BCAT2: variants seen among roughly 807,000 people sequenced by gnomAD.
BCAT2 encodes the protein branched-chain-amino-acid aminotransferase, mitochondrial.
BCAT2 carries 44 observed loss-of-function variants against 52.9 expected under a neutral mutation model. That is an observed-to-expected ratio of 0.83 (90% CI 0.65 to 1.07). The LOEUF is 1.07. BCAT2 is among the 50% of genes least tolerant of loss of function. BCAT2 has a pLI of 0.00. For missense variants in BCAT2, 478 were observed against 521.8 expected (o/e 0.92, Z 0.82); for synonymous variants, 215 against 217.1 (o/e 0.99, Z 0.08).
chr19:48,800,127 G>T (rs769780111), intron 4 of BCAT2, 27 bp from the exon 5 acceptor site: 7 of 1,613,376 alleles, frequency 4.3e-6, no homozygotes, highest in Non-Finnish European at 5.9e-6. Context: ...ATGAGTCAAG[G>T]GGCCCTTGCT....
chr19:48,802,239 A>C (rs981670780), intron 3 of BCAT2, among the ~76,000 whole-genome samples: 6 of 151,960 alleles, frequency 3.9e-5, no homozygotes, highest in African/African-American at 1.5e-4. Context: ...AAGATCTAAA[A>C]CTTGGACAAG....
chr19:48,800,150 G>T, intron 4 of BCAT2, 37 bp downstream of exon 4: 1 of 1,612,582 alleles, frequency 6.2e-7, no homozygotes, highest in Admixed American at 1.7e-5. Flanking sequence ...CCCGGCCCCA[G>T]CCCTCCTCCC....
At chr19:48,805,782 C>A (rs1433422819) in intron 3 of BCAT2, among the ~76,000 whole-genome samples, 1 of 91,464 alleles carries the variant, frequency 1.1e-5, no homozygotes, top group Non-Finnish European at 2.1e-5. Flanking sequence ...CCCCGGCTGT[C>A]CGTCTCCCGC....
Position 48,799,907 on chromosome 19 carries a change from C to A in BCAT2, c.532-69G>T. 6.3e-7 allele frequency: 1 copy of A among 1,599,472 alleles called. No homozygotes were observed. The highest frequency in any genetic ancestry group is 8.5e-7 in the Non-Finnish European group (1 of 1,173,362). ...TCCCTTCCCGTCCCCAGGCCCAGGC[C>A]TCCAGGACCCCACCCCTGCCCTGCA... On this transcript the variant is annotated intron_variant, in intron 5 of 10. Transcript: ENST00000316273. This position sits in a 1 kb window ranked among gnomAD's most constrained non-coding sequence, Gnocchi z 5.5.
At position 48,807,057 on chromosome 19, in the gene BCAT2, A is replaced by G. The variant is rs777081458; in HGVS notation, c.42T>C (p.Leu14=). ...AALGQIWARK[L]LSVPWLLCGP... ...CACACAGAAGCCAAGGGACAGAGAGAAGCTTTCGTGCCCAGATCTGGGTGG... is the reference window on the plus strand; with the variant it reads ...CACACAGAAGCCAAGGGACAGAGAGGAGCTTTCGTGCCCAGATCTGGGTGG... The change falls in exon 2 of 11, where the codon CTT becomes CTC. Residue 14 remains leucine (L), a synonymous_variant. Coordinates refer to ENST00000316273, the MANE Select transcript of BCAT2 (RefSeq NM_001190.4). This position sits in a 1 kb window ranked among gnomAD's most constrained non-coding sequence, Gnocchi z 4.6. The G allele has an allele frequency of 6.2e-7, 1 of 1,613,920 alleles. No individual in the cohort carries two copies. Among genetic ancestry groups the G allele is most frequent in the Middle Eastern group, 1.6e-4 (1 of 6,062 alleles).
chr19:48,809,768 A>C (rs566869), intron 1 of BCAT2, among the ~76,000 whole-genome samples: 1 of 141,968 alleles, frequency 7.0e-6, no homozygotes, highest in African/African-American at 2.6e-5. Context: ...GTCTGAAATT[A>C]AAAAAAAAAA....
chr19:48,807,317 C>G lies in BCAT2; in HGVS notation c.25-243G>C, dbSNP rs371268019. The G allele has an allele frequency of 2.3e-6, 1 of 437,844 alleles. No individual in the cohort carries two copies. The highest frequency in any genetic ancestry group is 2.1e-5 in the African/African-American group (1 of 48,756). The allele number at this position is 437,844 out of a possible 1,614,324, so 27.1% of individuals were successfully genotyped here. A position where few individuals can be genotyped will look rare whatever the true frequency, so the allele number is the denominator to read the frequency against. ...TCCTCCATGCTGCGGCAAAGTCAAA[C>G]GCAAGCGCCTCCCACCCCAGAGACC... is the stretch of plus-strand genomic sequence containing the variant. On this transcript the variant is annotated intron_variant, in intron 1 of 10. Coordinates refer to ENST00000316273, the MANE Select transcript of BCAT2 (RefSeq NM_001190.4). The surrounding 1 kb of genome is among the most constrained non-coding windows in gnomAD (Gnocchi z 4.6).
chr19:48,806,711 C>T lies in BCAT2; in HGVS notation c.106G>A (p.Asp36Asn). The T allele has an allele frequency of 6.2e-7, 1 of 1,613,076 alleles. No individual in the cohort carries two copies. The highest frequency in any genetic ancestry group is 8.5e-7 in the Non-Finnish European group (1 of 1,180,030). The change falls in exon 3 of 11, where the codon GAC (aspartate) becomes AAC (asparagine). Residue 36 changes from aspartate (D) to asparagine (N), a missense_variant. By Grantham distance (23) the Asp-to-Asn change is conservative. Transcript: ENST00000316273. ...RYASSSFKAA[D>N]LQLEMTQKPH... ...TTCTGTGTCATTTCCAGCTGCAGGTCTGCAGCCTGAGGAAAGACAGGGGTA... is the reference window on the plus strand; with the variant it reads ...TTCTGTGTCATTTCCAGCTGCAGGTTTGCAGCCTGAGGAAAGACAGGGGTA...
chr19:48,800,102 T>C lies in BCAT2; in HGVS notation c.412-2A>G. On this transcript the variant is annotated splice_acceptor_variant, in intron 4 of 10. Coordinates refer to ENST00000316273, the MANE Select transcript of BCAT2 (RefSeq NM_001190.4). LOFTEE classifies it high-confidence loss of function. ...CAGCAACTCCAGCTTGTCGAAACTC[T>C]GGGTGGGATTCTGAATGAGTCAAGG... 6.2e-7 allele frequency: 1 copy of C among 1,613,856 alleles called. No individual in the cohort carries two copies. The highest frequency in any genetic ancestry group is 8.5e-7 in the Non-Finnish European group (1 of 1,179,838).
chr19:48,809,405 C>T (rs528570699), intron 1 of BCAT2, among the ~76,000 whole-genome samples: 1 of 152,174 alleles, frequency 6.6e-6, no homozygotes, highest in Admixed American at 6.6e-5. Flanking sequence ...TGTCAAAGCC[C>T]AGCAGTGCCC....
At chr19:48,796,555 C>A (rs201393521) in intron 9 of BCAT2, 23 bp downstream of exon 9, 53 of 1,611,050 alleles carry the variant, frequency 3.3e-5, no homozygotes, top group Non-Finnish European at 4.3e-5. Flanking sequence ...TCCCTCCCAC[C>A]CACAATGGCA....
At chr19:48,797,453 C>T in intron 6 of BCAT2, 120 bp from the exon 7 acceptor site, 2 of 1,265,558 alleles carry the variant, frequency 1.6e-6, no homozygotes, top group East Asian at 5.0e-5. Context: ...ACAGGGCTCC[C>T]CAGTTCCCCT....
In BCAT2 at chr19:48,799,863, C is replaced by T; in HGVS notation, c.532-25G>A. On this transcript the variant is annotated intron_variant, in intron 5 of 10. Coordinates refer to ENST00000316273, the MANE Select transcript of BCAT2 (RefSeq NM_001190.4). This position sits in a 1 kb window ranked among gnomAD's most constrained non-coding sequence, Gnocchi z 5.5. ...GCTGCGACGGGCAAAGGGACAGCGT[C>T]AGGAGTCCAGGCCCCCAGTCCCTTC... 1 of 1,572,310 alleles carries T rather than the reference C, an allele frequency of 6.4e-7. No individual in the cohort carries two copies. Among genetic ancestry groups the T allele is most frequent in the Non-Finnish European group, 8.6e-7 (1 of 1,159,508 alleles).
chr19:48,796,995 T>A lies in BCAT2; in HGVS notation c.866A>T (p.Asn289Ile). The change falls in exon 8 of 11, where the codon AAT (asparagine) becomes ATT (isoleucine). Residue 289 changes from asparagine (N) to isoleucine (I), a missense_variant. By Grantham distance (149) the Asn-to-Ile change is moderately radical. Coordinates refer to ENST00000316273, the MANE Select transcript of BCAT2 (RefSeq NM_001190.4). ...GACCACTCCAGGCAGGATAACACCA[T>A]TCAGCGGGGGCGTCACCAGCTCCAG... is the stretch of plus-strand genomic sequence containing the variant. ...GVLELVTPPL[N>I]GVILPGVVRQ... The A allele has an allele frequency of 6.2e-7, 1 of 1,614,096 alleles. No homozygotes were observed. The highest frequency in any genetic ancestry group is 2.2e-5 in the East Asian group (1 of 44,870).
Position 48,795,264 on chromosome 19 carries a change from C to A in BCAT2, c.*162G>T. ...GCCAAGATGCCTGGGTCGGCCCTTA[C>A]GGCTTTGGGAGTGTCGCAACCACAT... On this transcript the variant is annotated 3_prime_UTR_variant, in exon 11 of 11. Coordinates refer to ENST00000316273, the MANE Select transcript of BCAT2 (RefSeq NM_001190.4). 4 of 899,102 alleles carry A rather than the reference C, an allele frequency of 4.4e-6. No individual in the cohort carries two copies. The highest frequency in any genetic ancestry group is 6.9e-6 in the Non-Finnish European group (4 of 581,656). The allele number at this position is 899,102 out of a possible 1,614,324, so 55.7% of individuals were successfully genotyped here. A position where few individuals can be genotyped will look rare whatever the true frequency, so the allele number is the denominator to read the frequency against.
chr19:48,797,663 G>A, intron 6 of BCAT2: 1 of 301,894 alleles, frequency 3.3e-6, no homozygotes, highest in Non-Finnish European at 6.3e-6. Flanking sequence ...AGATTCTCCT[G>A]CCTCAGCCTC....
At chr19:48,803,011 A>G (rs1298007295) in intron 3 of BCAT2, among the ~76,000 whole-genome samples, 1 of 152,144 alleles carries the variant, frequency 6.6e-6, no homozygotes, top group Admixed American at 6.5e-5. Context: ...CCTGGGCAAC[A>G]AAGTGAGATC....
intron 3 of BCAT2, among the ~76,000 whole-genome samples, chr19:48,802,788 G>C (rs567067573): frequency 6.6e-6 from 1 of 152,108 alleles, no homozygotes; most frequent in Non-Finnish European, 1.5e-5. Flanking sequence ...TAATAGACTG[G>C]AAACAACCTA....
chr19:48,795,623 G>A (rs1341987495), intron 10 of BCAT2, among the ~76,000 whole-genome samples, 159 bp from the exon 11 acceptor site: 1 of 152,148 alleles, frequency 6.6e-6, no homozygotes, highest in Non-Finnish European at 1.5e-5. Flanking sequence ...TGGGAACGGG[G>A]AATCAAGGCT....
Sources: gnomAD v4.1 joint callset for allele counts (sites outside exome capture counted in the v4.1 genomes callset) on GRCh38, gnomAD v4.1.1 for gene constraint, Gnocchi (gnomAD v3.1) non-coding constraint, MANE v1.5 for transcripts, NCBI Gene and HGNC (gene_info 2026-07-23, HGNC 2026-07-21) for gene names.